RTKN2: variants seen among roughly 807,000 people sequenced by gnomAD.
RTKN2 encodes rhotekin-2.
In RTKN2, 69 loss-of-function variants were observed where a neutral mutation model predicts 71.5. That is an observed-to-expected ratio of 0.96 (90% CI 0.79 to 1.18). The LOEUF (loss-of-function observed/expected upper bound fraction) is 1.18. Ranked by LOEUF, RTKN2 falls within the 50% of genes most tolerant of loss-of-function variation. The probability of loss-of-function intolerance (pLI) is 0.00; values close to 1 mark genes in which losing one functional copy is unlikely to be tolerated. For synonymous variants in RTKN2, 236 were observed against 236.5 expected, an observed-to-expected ratio of 1.00 and a Z score of 0.02; for missense variants, 724 against 719.7, an observed-to-expected ratio of 1.01 and a Z score of -0.07.
chr10:62,192,820 A>G (rs556923170), downstream of RTKN2, among the ~76,000 whole-genome samples: 10 of 152,250 alleles, frequency 6.6e-5, no homozygotes, highest in Middle Eastern at 3.4e-3. Context: ...GCTGGGTTGT[A>G]ATGGTTTCTG....
intron 2 of RTKN2, among the ~76,000 whole-genome samples, chr10:62,256,606 T>C (rs1444322917): frequency 6.6e-6 from 1 of 152,196 alleles, no homozygotes; most frequent in Non-Finnish European, 1.5e-5. Flanking sequence ...TGTGCCATGT[T>C]GTCTGCAACT....
intron 2 of RTKN2, among the ~76,000 whole-genome samples, chr10:62,257,315 C>CT (rs552205351): frequency 7.2e-4 from 110 of 152,208 alleles, no homozygotes; most frequent in African/African-American, 2.6e-3. Context: ...ATAAATAGCT[C>CT]TATTAGAATT....
At chr10:62,213,712 C>CA (rs1169234029) in intron 9 of RTKN2, among the ~76,000 whole-genome samples, 1 of 151,400 alleles carries the variant, frequency 6.6e-6, no homozygotes, top group East Asian at 1.9e-4. Context: ...AATGGGTCAT[C>CA]AAAAAATATA....
chr10:62,253,351 A>G (rs2133064590), intron 2 of RTKN2, among the ~76,000 whole-genome samples: 1 of 152,346 alleles, frequency 6.6e-6, no homozygotes, highest in Non-Finnish European at 1.5e-5. Flanking sequence ...CCTAAAGCAC[A>G]ATGTACAGAA....
At chr10:62,212,042 T>C (rs921507344) in intron 9 of RTKN2, among the ~76,000 whole-genome samples, 4 of 152,128 alleles carry the variant, frequency 2.6e-5, no homozygotes, top group Non-Finnish European at 5.9e-5. Flanking sequence ...TTATCCTTTG[T>C]TTATTTAAGA....
intron 6 of RTKN2, among the ~76,000 whole-genome samples, chr10:62,228,413 T>G (rs559574816): frequency 6.6e-6 from 1 of 152,182 alleles, no homozygotes; most frequent in Non-Finnish European, 1.5e-5. Flanking sequence ...TGTGGCAACA[T>G]TAGATCACTG....
chr10:62,247,082 GGAA>G (rs150004581), intron 2 of RTKN2, among the ~76,000 whole-genome samples: 7,662 of 151,984 alleles, frequency 0.05, 259 homozygotes, highest in Middle Eastern at 0.088. Flanking sequence ...GTGATAAGAT[GGAA>G]ATTTTCCATT....
Position 62,236,151 on chromosome 10 carries a change from TA to T in RTKN2, c.600del (p.Ile201Ter). 2 of 1,612,404 alleles carry T rather than the reference TA, an allele frequency of 1.2e-6. No individual in the cohort carries two copies. Among genetic ancestry groups the T allele is most frequent in the Non-Finnish European group, 1.7e-6 (2 of 1,178,798 alleles). ...PKKLAKKLKT[S>X]ISKATGKKIS... ...ATTTTCTTTCCTGTAGCTTTACTTA[TA>T]GATGTCTTGAGTTTCTTAGCTAGCT... On this transcript the variant is annotated frameshift_variant, in exon 6 of 12. Transcript: ENST00000373789. LOFTEE classifies it high-confidence loss of function.
Position 62,193,578 on chromosome 10 carries a change from T to C in RTKN2, c.*4330A>G, listed in dbSNP as rs949852087. 1.4e-5 allele frequency: 14 copies of C among 984,650 alleles called. No homozygotes were observed. In the South Asian group the frequency reaches 3.8e-4, roughly 26 times the overall value. 61.0% of individuals were successfully genotyped at this position (984,650 alleles called of 1,614,324 possible). A position where few individuals can be genotyped will look rare whatever the true frequency, so the allele number is the denominator to read the frequency against. On this transcript the variant is annotated 3_prime_UTR_variant, in exon 12 of 12. Coordinates refer to ENST00000373789, the MANE Select transcript of RTKN2 (RefSeq NM_145307.4). ...TCACACTACAGATTTAGAAATAAAA[T>C]GCTGAAATAATCCAACTGAGCCAGG...
chr10:62,257,768 A>G (rs1842701337), intron 2 of RTKN2, among the ~76,000 whole-genome samples: 1 of 152,230 alleles, frequency 6.6e-6, no homozygotes, highest in South Asian at 2.1e-4. Flanking sequence ...CATGCAGAAA[A>G]AAAGGTACAA....
rs905621799 is a variant in RTKN2, at chr10:62,194,665, G to T, written c.*3243C>A. 1.1e-5 allele frequency: 11 copies of T among 985,214 alleles called. No individual in the cohort carries two copies. Among genetic ancestry groups the T allele is most frequent in the Admixed American group, 6.2e-5 (1 of 16,248 alleles). The allele number at this position is 985,214 out of a possible 1,614,324, so 61.0% of individuals were successfully genotyped here. A position where few individuals can be genotyped will look rare whatever the true frequency, so the allele number is the denominator to read the frequency against. On this transcript the variant is annotated 3_prime_UTR_variant, in exon 12 of 12. Transcript: ENST00000373789. ...CATTTAACATAAATTGCACCAAACT[G>T]CCCTATAATTTCATTTTGGACTGAA...
At chr10:62,250,832 T>C (rs542935085) in intron 2 of RTKN2, among the ~76,000 whole-genome samples, 52 of 152,278 alleles carry the variant, frequency 3.4e-4, no homozygotes, top group Admixed American at 2.4e-3. Context: ...TGTTATACGA[T>C]GTTGCCCAAG....
chr10:62,199,554 T>A (rs558299644), intron 11 of RTKN2, among the ~76,000 whole-genome samples, 200 bp downstream of exon 11: 1 of 152,350 alleles, frequency 6.6e-6, no homozygotes, highest in South Asian at 2.1e-4. Flanking sequence ...GCATTCAGAC[T>A]ATGAAAAAAC....
At chr10:62,244,547 AT>A (rs10718042) in intron 3 of RTKN2, among the ~76,000 whole-genome samples, 111,350 of 151,972 alleles carry the variant, frequency 0.73, 41,054 homozygotes, top group East Asian at 0.9. Context: ...GCAACTTAAC[AT>A]ATGTCATTTA....
At chr10:62,217,329 G>T in intron 8 of RTKN2, 80 bp from the exon 9 acceptor site, 2 of 974,260 alleles carry the variant, frequency 2.1e-6, no homozygotes, top group Non-Finnish European at 2.9e-6. Flanking sequence ...TACTTATCAA[G>T]GTTAAATTAG....
chr10:62,196,819 T>C lies in RTKN2; in HGVS notation c.*1089A>G. The stretch of plus-strand genomic sequence containing the variant: ...AAAAGCATTATTATAAAAAATGGAT[T>C]TTTTGTTCCTTTAAGGTATTTTTCT... On this transcript the variant is annotated 3_prime_UTR_variant, in exon 12 of 12. Transcript: ENST00000373789. The C allele has an allele frequency of 2.0e-6, 2 of 977,346 alleles. No homozygotes were observed. The highest frequency in any genetic ancestry group is 2.4e-6 in the Non-Finnish European group (2 of 822,624). The allele number at this position is 977,346 out of a possible 1,614,324, so 60.5% of individuals were successfully genotyped here.
chr10:62,192,695 A>G (rs1309672350), downstream of RTKN2, among the ~76,000 whole-genome samples: 1 of 152,202 alleles, frequency 6.6e-6, no homozygotes, highest in Non-Finnish European at 1.5e-5. Flanking sequence ...CGAAGGGGCT[A>G]CTAGCAAGGG....
intron 9 of RTKN2, among the ~76,000 whole-genome samples, chr10:62,212,203 A>G (rs921518192): frequency 1.1e-4 from 16 of 151,872 alleles, no homozygotes; most frequent in African/African-American, 3.9e-4. Flanking sequence ...AACAGGGCAC[A>G]GCGAAAACTT....
intron 8 of RTKN2, among the ~76,000 whole-genome samples, chr10:62,217,871 C>T (rs540492700): frequency 1.3e-5 from 2 of 151,524 alleles, no homozygotes; most frequent in South Asian, 4.1e-4. Context: ...GCCAGAAAGA[C>T]CTTTATGTGA....
Sources: gnomAD v4.1 joint callset for allele counts (sites outside exome capture counted in the v4.1 genomes callset) on GRCh38, gnomAD v4.1.1 for gene constraint, MANE v1.5 for transcripts, NCBI Gene and HGNC (gene_info 2026-07-23, HGNC 2026-07-21) for gene names.